The following CFAP44 variants were observed in gnomAD, a reference collection of about 807,000 sequenced individuals.
The protein encoded by CFAP44 is cilia and flagella associated protein 44, also known as cilia- and flagella-associated protein 44.
CFAP44 carries 134 observed loss-of-function variants against 216.2 expected under a neutral mutation model. The observed-to-expected ratio is 0.62, with a 90% CI of 0.54 to 0.72. The LOEUF (loss-of-function observed/expected upper bound fraction) is 0.72. Among genes scored for constraint, CFAP44 ranks in the 30% least tolerant of loss-of-function variants. The pLI is 0.00. For synonymous variants in CFAP44, 700 were observed against 727.6 expected, an observed-to-expected ratio of 0.96 and a Z score of 0.61; for missense variants, 2,035 against 2,182.1, an observed-to-expected ratio of 0.93 and a Z score of 1.34.
intron 28 of CFAP44, among the ~76,000 whole-genome samples, chr3:113,309,162 A>G (rs1194293190): frequency 2.0e-5 from 3 of 152,174 alleles, no homozygotes; most frequent in African/African-American, 7.2e-5. Flanking sequence ...GTCCAATTCT[A>G]GCAAGAATCC....
At chr3:113,366,728 G>A (rs185179923) in intron 18 of CFAP44, among the ~76,000 whole-genome samples, 5 of 152,262 alleles carry the variant, frequency 3.3e-5, no homozygotes, top group Non-Finnish European at 5.9e-5. Context: ...GGGTGCAGCC[G>A]ATGGAGGGCA....
At chr3:113,441,414 AGGGTGTGGAAACTGCC>A in intron 1 of CFAP44, 23 bp downstream of exon 1, 1 of 985,694 alleles carries the variant, frequency 1.0e-6, no homozygotes, top group Non-Finnish European at 1.2e-6. Context: ...TTTAAGGGGG[AGGGTGTGGAAACTGCC>A]GGCTGCTGAG....
Position 113,313,574 on chromosome 3 carries a change from C to G in CFAP44, c.4517-5306G>C, listed in dbSNP as rs567719474. On this transcript the variant is annotated intron_variant, in intron 28 of 34. Transcript: ENST00000393845. Reference sequence around the variant, plus strand: ...GAATGATATGGTTTGGCTCTGTGTCCCCATTGAAATCTCATCTTGAATTGT... The same window carrying G: ...GAATGATATGGTTTGGCTCTGTGTCGCCATTGAAATCTCATCTTGAATTGT... 9.2e-5 allele frequency among the ~76,000 whole-genome samples: 14 copies of G among 152,090 alleles called. No individual in the cohort carries two copies. The East Asian group carries it at 2.7e-3, about 29-fold the overall frequency.
chr3:113,330,753 G>A, intron 25 of CFAP44, 85 bp from the exon 26 acceptor site: 7 of 1,409,660 alleles, frequency 5.0e-6, no homozygotes, highest in Non-Finnish European at 6.5e-6. Flanking sequence ...TTCTGTTGCT[G>A]AAAGGCCTAG....
At chr3:113,318,215 T>G (rs780909216) in intron 28 of CFAP44, among the ~76,000 whole-genome samples, 1 of 152,052 alleles carries the variant, frequency 6.6e-6, no homozygotes, top group African/African-American at 2.4e-5. Context: ...AAACCAAATT[T>G]TTAAAGTTTT....
intron 8 of CFAP44, among the ~76,000 whole-genome samples, chr3:113,405,771 C>T (rs1001480147): frequency 6.6e-6 from 1 of 152,172 alleles, no homozygotes; most frequent in South Asian, 2.1e-4. Flanking sequence ...AAATATATCT[C>T]ATACCAGGTT....
intron 24 of CFAP44, among the ~76,000 whole-genome samples, chr3:113,339,347 T>A (rs1388013390): frequency 4.6e-5 from 7 of 152,152 alleles, no homozygotes; most frequent in African/African-American, 1.7e-4. Flanking sequence ...TTCCTTTCCT[T>A]CTTTCAGTGA....
intron 22 of CFAP44, among the ~76,000 whole-genome samples, chr3:113,345,575 C>T (rs1032468584): frequency 6.6e-6 from 1 of 152,154 alleles, no homozygotes; most frequent in African/African-American, 2.4e-5. Context: ...TCAGATTCCC[C>T]TATTTGCCTC....
intron 15 of CFAP44, among the ~76,000 whole-genome samples, chr3:113,387,453 C>G (rs1006050983): frequency 3.3e-5 from 5 of 152,140 alleles, no homozygotes; most frequent in Admixed American, 6.5e-5. Flanking sequence ...GCAGGGAACC[C>G]ATCCCCTTGA....
intron 15 of CFAP44, among the ~76,000 whole-genome samples, chr3:113,395,292 A>C (rs1431527094): frequency 1.3e-5 from 2 of 152,234 alleles, no homozygotes; most frequent in African/African-American, 4.8e-5. Context: ...AAGAAAGAAG[A>C]AATAAAAGGA....
rs34714015 is a variant in CFAP44, at chr3:113,353,453, TACACACACACAC to T, written c.3065+5280_3065+5291del. 2.3e-3 allele frequency among the ~76,000 whole-genome samples: 326 copies of T among 141,818 alleles called. 3 individuals carry two copies. Among genetic ancestry groups the T allele is most frequent in the African/African-American group, 6.1e-3 (232 of 38,272 alleles). 93.0% of individuals were successfully genotyped at this position (141,818 alleles called of 152,430 possible). ...GTTAGGATTCATATATATGTATGAA[TACACACACACAC>T]ACACACACACACACACACACACACA... On this transcript the variant is annotated intron_variant, in intron 22 of 34. Coordinates refer to ENST00000393845, the MANE Select transcript of CFAP44 (RefSeq NM_001164496.2).
intron 18 of CFAP44, among the ~76,000 whole-genome samples, chr3:113,370,280 AAG>A (rs1374030568): frequency 3.9e-5 from 6 of 152,348 alleles, no homozygotes; most frequent in Admixed American, 1.3e-4. Context: ...ACAACAAAAA[AAG>A]AGAATTTTAG....
intron 18 of CFAP44, among the ~76,000 whole-genome samples, chr3:113,371,012 C>T (rs957290982): frequency 6.6e-6 from 1 of 152,052 alleles, no homozygotes; most frequent in African/African-American, 2.4e-5. Context: ...ACCTAGGAAT[C>T]CAACTTACAA....
intron 3 of CFAP44, 33 bp from the exon 4 acceptor site, chr3:113,426,310 A>C (rs1367507299): frequency 6.2e-7 from 1 of 1,606,224 alleles, no homozygotes; most frequent in Non-Finnish European, 8.5e-7. Context: ...GAAGAGTGAT[A>C]TGGTTTGGCT....
intron 4 of CFAP44, among the ~76,000 whole-genome samples, chr3:113,424,181 T>C (rs1429955760): frequency 1.3e-5 from 2 of 152,200 alleles, no homozygotes; most frequent in Non-Finnish European, 2.9e-5. Flanking sequence ...CTCACACCTG[T>C]AATCCCAGCA....
chr3:113,388,795 G>T (rs541843717), intron 15 of CFAP44, among the ~76,000 whole-genome samples: 3 of 152,292 alleles, frequency 2.0e-5, no homozygotes, highest in African/African-American at 7.2e-5. Context: ...ATTATATAAT[G>T]ATAAAGAGGT....
rs1271991996 is a variant in CFAP44 at position 113,291,017 on chromosome 3, C to T, written c.*540G>A. The T allele has an allele frequency of 6.5e-6, 1 of 154,434 alleles. No individual in the cohort carries two copies. Among genetic ancestry groups the T allele is most frequent in the African/African-American group, 2.4e-5 (1 of 41,436 alleles). 9.6% of individuals were successfully genotyped at this position (154,434 alleles called of 1,614,324 possible). A position where few individuals can be genotyped will look rare whatever the true frequency, so the allele number is the denominator to read the frequency against. On this transcript the variant is annotated 3_prime_UTR_variant, in exon 35 of 35. Transcript: ENST00000393845. Reference sequence around the variant, plus strand: ...GTTTGTATTTCCTGAATCCTGAGCCCTCAAAACACTGCTTTATGAAGTCAA... The same window carrying T: ...GTTTGTATTTCCTGAATCCTGAGCCTTCAAAACACTGCTTTATGAAGTCAA...
rs1398446666 is a variant in CFAP44 at position 113,399,891 on chromosome 3, TAAC to T, written c.1569+12_1569+14del. On this transcript the variant is annotated intron_variant, in intron 13 of 34. Transcript: ENST00000393845. ...ACCAATAGATTCTGGTAGTTCATTATAACAACAAACTTACCATTCGGGGTACCC... is the reference window on the plus strand; with the variant it reads ...ACCAATAGATTCTGGTAGTTCATTATAACAAACTTACCATTCGGGGTACCC... 2 of 1,548,930 alleles carry T rather than the reference TAAC, an allele frequency of 1.3e-6. No homozygotes were observed. The highest frequency in any genetic ancestry group is 8.7e-7 in the Non-Finnish European group (1 of 1,145,434).
intron 28 of CFAP44, among the ~76,000 whole-genome samples, chr3:113,312,073 GTTT>G (rs199653080): frequency 3.9e-5 from 5 of 126,782 alleles, no homozygotes; most frequent in Non-Finnish European, 3.3e-5. Context: ...GTGTGTGTGT[GTTT>G]TTTTTTTTTT....
Sources: allele counts gnomAD v4.1 joint callset (sites outside exome capture counted in the v4.1 genomes callset), GRCh38; gene constraint gnomAD v4.1.1; transcripts MANE v1.5; gene names NCBI Gene and HGNC (gene_info 2026-07-23, HGNC 2026-07-21).